MUC5AC: variants seen among roughly 807,000 people sequenced by gnomAD.
MUC5AC encodes the protein mucin-5AC.
In MUC5AC, 158 loss-of-function variants were observed where a neutral mutation model predicts 169.7. That is an observed-to-expected ratio of 0.93 (90% CI 0.82 to 1.06). MUC5AC has a LOEUF of 1.06. MUC5AC is among the 50% of genes least tolerant of loss of function. MUC5AC has a pLI of 0.00. For synonymous variants in MUC5AC, 1,975 were observed against 1,237.0 expected, an observed-to-expected ratio of 1.60 and a Z score of -12.52; for missense variants, 4,359 against 3,089.9, an observed-to-expected ratio of 1.41 and a Z score of -9.74.
Position 1,188,552 on chromosome 11 carries a change from C to T in MUC5AC, c.10407C>T (p.Ser3469=), listed in dbSNP as rs1405854519. ...GCACAACCTCCACTCCACAGACCAG[C>T]AAAACCTCAGCTGCTACAAGCAGCA... ...TSSTTSTPQT[S]KTSAATSSTT... Residue 3469 remains serine (S), a synonymous_variant, in exon 31 of 49, where the codon AGC becomes AGT. Coordinates refer to ENST00000621226, the MANE Select transcript of MUC5AC (RefSeq NM_001304359.2). 4.0e-6 allele frequency: 3 copies of T among 757,276 alleles called. No homozygotes were observed. In the African/African-American group the frequency reaches 5.1e-5, roughly 13 times the overall value. The allele number at this position is 757,276 out of a possible 1,614,324, so 46.9% of individuals were successfully genotyped here.
chr11:1,172,645 T>C, intron 16 of MUC5AC, 122 bp downstream of exon 16: 1 of 397,888 alleles, frequency 2.5e-6, no homozygotes, highest in South Asian at 1.3e-4. Flanking sequence ...TAGGCTGTGA[T>C]GGGCACCAGG....
intron 11 of MUC5AC, among the ~76,000 whole-genome samples, chr11:1,166,008 C>T (rs1226670484): frequency 6.6e-6 from 1 of 152,168 alleles, no homozygotes; most frequent in African/African-American, 2.4e-5. Context: ...GCCCTCTGCA[C>T]CTTGGGCTGT....
At chr11:1,180,822 G>A (rs1171096361) in intron 28 of MUC5AC, among the ~76,000 whole-genome samples, 3 of 152,220 alleles carry the variant, frequency 2.0e-5, no homozygotes, top group Admixed American at 1.3e-4. Context: ...CCGAGATGGA[G>A]CCCTAGGGTC....
At chr11:1,161,734 T>C in intron 3 of MUC5AC, 148 bp downstream of exon 3, 1 of 1,298,956 alleles carries the variant, frequency 7.7e-7, no homozygotes. Context: ...AGCATCTCCC[T>C]GCACACGTTT....
rs1158435835 is a variant in MUC5AC, at chr11:1,183,206, C to T, written c.5061C>T (p.Val1687=). Residue 1687 remains valine, a synonymous_variant, in exon 31 of 49, where the codon GTC becomes GTT. Transcript: ENST00000621226. The stretch of plus-strand genomic sequence containing the variant: ...ACATCACCAGACTGCCAAAGACCGT[C>T]GCAACGACACGGCCGACTCCACATC... The part of the protein sequence containing the change: ...CRDITRLPKT[V]ATTRPTPHPT... 20 of 376,506 alleles carry T rather than the reference C, an allele frequency of 5.3e-5. 1 individual carries two copies. The South Asian group carries it at 7.6e-4, about 14-fold the overall frequency. The allele number at this position is 376,506 out of a possible 1,614,324, so 23.3% of individuals were successfully genotyped here.
intron 42 of MUC5AC, 103 bp downstream of exon 42, chr11:1,198,107 G>A (rs935528079): frequency 9.2e-6 from 6 of 651,684 alleles, no homozygotes; most frequent in South Asian, 1.7e-5. Flanking sequence ...GTCCACTGCG[G>A]GTCTGTGGCT....
At position 1,187,014 on chromosome 11, in the gene MUC5AC, A is replaced by G. The variant is rs1457414120; in HGVS notation, c.8869A>G (p.Ile2957Val). Residue 2957 changes from isoleucine to valine, a missense_variant, in exon 31 of 49, where the codon ATC (isoleucine) becomes GTC (valine). Transcript: ENST00000621226. Reference sequence around the variant, plus strand: ...CAGCCCTGTTCCTACCACCAGCACAATCTCTGTTCCTACCACCAGCACAAC... The same window carrying G: ...CAGCCCTGTTCCTACCACCAGCACAGTCTCTGTTCCTACCACCAGCACAAC... ...TPSPVPTTST[I>V]SVPTTSTTSA... The G allele has an allele frequency of 1.3e-6, 1 of 745,050 alleles. No individual in the cohort carries two copies. The highest frequency in any genetic ancestry group is 2.5e-5 in the East Asian group (1 of 40,400). 46.2% of individuals were successfully genotyped at this position (745,050 alleles called of 1,614,324 possible).
chr11:1,164,789 C>T (rs1204042000), intron 9 of MUC5AC, among the ~76,000 whole-genome samples: 6 of 143,846 alleles, frequency 4.2e-5, no homozygotes, highest in African/African-American at 1.0e-4. Flanking sequence ...TGGCTGATGC[C>T]CCTGTCCCGG....
At position 1,162,086 on chromosome 11, in the gene MUC5AC, C is replaced by T; in HGVS notation, c.391C>T (p.Pro131Ser). ...QLRRSQESAA[P>S]TLSRVLMKVD... ...ACGCCGCAGCCAGGAGTCAGCGGCC[C>T]CCACGCTGAGCAGGGTCCTCATGAA... The change falls in exon 4 of 49, where the codon CCC (proline) becomes TCC (serine). Residue 131 changes from proline (P) to serine (S), a missense_variant. Transcript: ENST00000621226. 6.2e-7 allele frequency: 1 copy of T among 1,612,602 alleles called. No individual in the cohort carries two copies. Among genetic ancestry groups the T allele is most frequent in the Non-Finnish European group, 8.5e-7 (1 of 1,179,808 alleles).
At chr11:1,176,484 A>G in intron 20 of MUC5AC, 30 bp from the exon 21 acceptor site, 1 of 398,828 alleles carries the variant, frequency 2.5e-6, no homozygotes, top group Non-Finnish European at 4.4e-6. Context: ...GCCCTGCCCC[A>G]TCACTCAGTG....
Position 1,197,917 on chromosome 11 carries a change from C to CT in MUC5AC, c.16048_16049insT (p.Arg5350LeufsTer10), listed in dbSNP as rs1564920933. On this transcript the variant is annotated frameshift_variant, in exon 42 of 49. Coordinates refer to ENST00000621226, the MANE Select transcript of MUC5AC (RefSeq NM_001304359.2). LOFTEE classifies it high-confidence loss of function. Reference sequence around the variant, plus strand: ...CGCCCCCGCAGCCTGCAACACCAGCCGCTGCCCCGCGCCCGTGGGCTGTCC... The same window carrying CT: ...CGCCCCCGCAGCCTGCAACACCAGCCTGCTGCCCCGCGCCCGTGGGCTGTCC... 1.4e-6 allele frequency: 1 copy of CT among 727,032 alleles called. No individual in the cohort carries two copies. The highest frequency in any genetic ancestry group is 1.9e-5 in the Admixed American group (1 of 53,770). 45.0% of individuals were successfully genotyped at this position (727,032 alleles called of 1,614,324 possible). A position where few individuals can be genotyped will look rare whatever the true frequency, so the allele number is the denominator to read the frequency against.
At position 1,193,558 on chromosome 11, in the gene MUC5AC, C is replaced by T. The variant is rs531555489; in HGVS notation, c.14654C>T (p.Pro4885Leu). Residue 4885 changes from proline to leucine, a missense_variant, in exon 33 of 49, where the codon CCG (proline) becomes CTG (leucine). By Grantham distance (98) the Pro-to-Leu change is moderately conservative. Coordinates refer to ENST00000621226, the MANE Select transcript of MUC5AC (RefSeq NM_001304359.2). Reference protein sequence around the residue: ...CEGNNVISLRPRTCPRVEKPT... With the variant: ...CEGNNVISLRLRTCPRVEKPT... The stretch of plus-strand genomic sequence containing the variant: ...GGCAACAACGTCATCTCCCTGCGCC[C>T]GCGCACGTGCCCGAGGGTGGAGAAG... 3.4e-5 allele frequency: 26 copies of T among 764,356 alleles called. No individual in the cohort carries two copies. The highest frequency in any genetic ancestry group is 1.4e-4 in the African/African-American group (8 of 59,258). The allele number at this position is 764,356 out of a possible 1,614,324, so 47.3% of individuals were successfully genotyped here.
Position 1,160,700 on chromosome 11 carries a change from G to GT in MUC5AC, c.151+12dup, listed in dbSNP as rs759869164. ...CCCGGGGGCCCAGCGGTGAGTCTGA[G>GT]TGTCCGGCCCCCACCCTAAGCCTGT... is the stretch of plus-strand genomic sequence containing the variant. On this transcript the variant is annotated intron_variant, in intron 2 of 48. Coordinates refer to ENST00000621226, the MANE Select transcript of MUC5AC (RefSeq NM_001304359.2). 5.0e-6 allele frequency: 8 copies of GT among 1,606,348 alleles called. No homozygotes were observed. The East Asian group carries it at 1.8e-4, about 36-fold the overall frequency.
Position 1,190,393 on chromosome 11 carries a change from C to T in MUC5AC, c.12248C>T (p.Ser4083Phe). ...RATSPTQSTS[S>F]WQKSRTTTLV... Reference sequence around the variant, plus strand: ...ACCAGCCCAACTCAGAGCACTTCCTCTTGGCAGAAATCCAGGACAACCACT... The same window carrying T: ...ACCAGCCCAACTCAGAGCACTTCCTTTTGGCAGAAATCCAGGACAACCACT... Residue 4083 changes from serine to phenylalanine, a missense_variant, in exon 31 of 49, where the codon TCT becomes TTT. By Grantham distance (155) the Ser-to-Phe change is radical. Transcript: ENST00000621226. The T allele has an allele frequency of 1.5e-6, 1 of 660,518 alleles. No homozygotes were observed. The highest frequency in any genetic ancestry group is 2.8e-6 in the Non-Finnish European group (1 of 363,554). The allele number at this position is 660,518 out of a possible 1,614,324, so 40.9% of individuals were successfully genotyped here. A position where few individuals can be genotyped will look rare whatever the true frequency, so the allele number is the denominator to read the frequency against.
chr11:1,179,346 G>A (rs1168807630), intron 26 of MUC5AC, 98 bp downstream of exon 26: 1 of 469,098 alleles, frequency 2.1e-6, no homozygotes, highest in East Asian at 3.3e-5. Flanking sequence ...GGGCGGGTGG[G>A]GAAGGTTTCC....
In MUC5AC at chr11:1,195,863, A is replaced by AC; in HGVS notation, c.15459-13_15459-12insC. On this transcript the variant is annotated splice_polypyrimidine_tract_variant and intron_variant, in intron 36 of 48. Transcript: ENST00000621226. ...AGAGGCTGCACCCAGCACCCTGCCC[A>AC]TCCCTCCCACAGGGTCTTTGAGCCG... 1 of 677,748 alleles carries AC rather than the reference A, an allele frequency of 1.5e-6. No homozygotes were observed. The allele number at this position is 677,748 out of a possible 1,614,324, so 42.0% of individuals were successfully genotyped here.
chr11:1,164,554 G>A (rs1388822913), intron 9 of MUC5AC, 22 bp downstream of exon 9: 3 of 1,593,160 alleles, frequency 1.9e-6, no homozygotes, highest in East Asian at 4.5e-5. Context: ...CCGCCCCTGG[G>A]AAACACAGGT....
chr11:1,162,494 C>G, intron 4 of MUC5AC, 38 bp from the exon 5 acceptor site: 1 of 1,579,206 alleles, frequency 6.3e-7, no homozygotes, highest in Non-Finnish European at 8.7e-7. Flanking sequence ...TCTCTCCTCA[C>G]TGCGCTCCCA....
intron 16 of MUC5AC, among the ~76,000 whole-genome samples, chr11:1,173,461 CCACT>C (rs1224422301): frequency 3.9e-5 from 5 of 129,836 alleles, no homozygotes; most frequent in African/African-American, 1.4e-4. Flanking sequence ...ACTCACTCAT[CCACT>C]CACTCATCCA....
Sources: gnomAD v4.1 joint callset for allele counts (sites outside exome capture counted in the v4.1 genomes callset) on GRCh38, gnomAD v4.1.1 for gene constraint, MANE v1.5 for transcripts, NCBI Gene and HGNC (gene_info 2026-07-23, HGNC 2026-07-21) for gene names.